MAST4: variants seen among roughly 807,000 people sequenced by gnomAD.
The protein encoded by MAST4 is microtubule associated serine/threonine kinase family member 4, also known as microtubule-associated serine/threonine-protein kinase 4.
A neutral mutation model predicts 162.7 loss-of-function variants in MAST4; 89 were observed. The ratio of observed to expected loss-of-function variants is 0.55; its 90% CI spans 0.46 to 0.65. The LOEUF is 0.65. MAST4 is among the 30% of genes least tolerant of loss of function. MAST4 has a pLI of 0.00. For missense variants in MAST4, 3,153 were observed against 3,374.0 expected (o/e 0.93, Z 1.62); for synonymous variants, 1,479 against 1,361.1 (o/e 1.09, Z -1.91).
At chr5:66,775,011 G>A (rs949105909) in intron 2 of MAST4, among the ~76,000 whole-genome samples, 2 of 146,086 alleles carry the variant, frequency 1.4e-5, no homozygotes, top group Non-Finnish European at 3.0e-5. Flanking sequence ...GTGTGTGTGT[G>A]TGTGTGTGTG....
chr5:66,698,982 T>G (rs989483362), intron 1 of MAST4, among the ~76,000 whole-genome samples: 2 of 152,212 alleles, frequency 1.3e-5, no homozygotes, highest in Non-Finnish European at 2.9e-5. Context: ...TTTGTCAGCT[T>G]TTATCTTGTT....
chr5:66,879,713 A>G (rs965531140), intron 3 of MAST4, among the ~76,000 whole-genome samples: 2 of 152,212 alleles, frequency 1.3e-5, no homozygotes, highest in Non-Finnish European at 2.9e-5. Flanking sequence ...GGATTTCGCG[A>G]TGACGCCCAG....
rs1161777154 is a variant in MAST4 at position 66,674,443 on chromosome 5, A to G, written c.363+77425A>G. ...TCTGGATCCATTACGAAGGAAAAAT[A>G]CTACATTTCTTGTTTGTTTTTGTAT... is the stretch of plus-strand genomic sequence containing the variant. On this transcript the variant is annotated intron_variant, in intron 1 of 28. Transcript: ENST00000403625. Among the ~76,000 whole-genome samples the G allele has an allele frequency of 2.0e-5, 3 of 152,242 alleles. No individual in the cohort carries two copies. The East Asian group carries it at 5.8e-4, about 29-fold the overall frequency.
chr5:66,916,707 C>T (rs1048867626), intron 4 of MAST4, among the ~76,000 whole-genome samples: 1 of 152,132 alleles, frequency 6.6e-6, no homozygotes, highest in African/African-American at 2.4e-5. Context: ...TTGCTACTAC[C>T]TGTCTTAAAC....
At chr5:66,780,436 T>C (rs1371872204) in intron 2 of MAST4, among the ~76,000 whole-genome samples, 1 of 152,148 alleles carries the variant, frequency 6.6e-6, no homozygotes, top group African/African-American at 2.4e-5. Flanking sequence ...GTTTATTCCT[T>C]CAGATATGTC....
rs774228791 is a variant in MAST4 at position 67,133,588 on chromosome 5, C to T, written c.2168C>T (p.Thr723Ile). The change falls in exon 17 of 29, where the codon ACT (threonine) becomes ATT (isoleucine). Residue 723 changes from threonine to isoleucine, a missense_variant. By Grantham distance (89) the Thr-to-Ile change is moderately conservative (BLOSUM62 -1). Around this residue, in one of 7 missense-constraint regions of MAST4, gnomAD observed 131 missense variants for 253.8 expected, o/e 0.52. Transcript: ENST00000403625. ...GLSKVGLMSMTTNLYEGHIEK... is the reference protein window; with the variant it reads ...GLSKVGLMSMITNLYEGHIEK... ...TCTAAGGTGGGACTAATGAGCATGA[C>T]TACCAACCTTTACGAGGGTCATATT... is the stretch of plus-strand genomic sequence containing the variant. 1 of 1,613,494 alleles carries T rather than the reference C, an allele frequency of 6.2e-7. No homozygotes were observed. The highest frequency in any genetic ancestry group is 1.1e-5 in the South Asian group (1 of 91,066).
chr5:66,946,431 G>A (rs918506325), intron 4 of MAST4, among the ~76,000 whole-genome samples: 23 of 151,834 alleles, frequency 1.5e-4, no homozygotes, highest in African/African-American at 5.1e-4. Flanking sequence ...TTCATTTACC[G>A]CCTCAGGTAA....
chr5:66,866,169 C>T (rs1401179533), intron 3 of MAST4, among the ~76,000 whole-genome samples: 1 of 149,736 alleles, frequency 6.7e-6, no homozygotes, highest in Admixed American at 6.7e-5. Flanking sequence ...AAAATATGAA[C>T]ATTAGGGTGA....
intron 1 of MAST4, among the ~76,000 whole-genome samples, chr5:66,618,033 T>TGGGC (rs1743819040): frequency 1.4e-5 from 2 of 143,672 alleles, no homozygotes; most frequent in Non-Finnish European, 3.1e-5. Flanking sequence ...CTGGGAGGAA[T>TGGGC]GGGGGGGGGG....
chr5:67,131,782 A>G (rs180904737), intron 15 of MAST4, 31 bp from the exon 16 acceptor site: 681 of 1,608,710 alleles, frequency 4.2e-4, no homozygotes, highest in Non-Finnish European at 5.3e-4. Flanking sequence ...CCTTCATCCT[A>G]TAGCTACTAA....
At chr5:66,915,266 CAAA>C (rs70987147) in intron 4 of MAST4, among the ~76,000 whole-genome samples, 4 of 83,594 alleles carry the variant, frequency 4.8e-5, no homozygotes, top group Admixed American at 1.2e-4. Context: ...ACTCTTGTCT[CAAA>C]AAAAAAAAAA....
At chr5:66,602,258 A>G (rs547008840) in intron 1 of MAST4, among the ~76,000 whole-genome samples, 3 of 152,200 alleles carry the variant, frequency 2.0e-5, no homozygotes, top group African/African-American at 7.2e-5. Context: ...ATGAAGGGAG[A>G]TGGTCTGAGG....
intron 4 of MAST4, among the ~76,000 whole-genome samples, chr5:66,984,001 G>A (rs1282533473): frequency 7.9e-5 from 12 of 152,190 alleles, no homozygotes; most frequent in Admixed American, 7.2e-4. Flanking sequence ...AAGTGTTTTT[G>A]AGAAGCTACC....
intron 4 of MAST4, among the ~76,000 whole-genome samples, chr5:66,937,690 T>C (rs1352117821): frequency 6.6e-6 from 1 of 152,172 alleles, no homozygotes; most frequent in Non-Finnish European, 1.5e-5. Context: ...TTTTTCTAGG[T>C]AAGTTAGAAT....
At chr5:66,882,346 C>A (rs902819529) in intron 3 of MAST4, among the ~76,000 whole-genome samples, 3 of 152,150 alleles carry the variant, frequency 2.0e-5, no homozygotes, top group African/African-American at 4.8e-5. Context: ...TCTTTTCTCT[C>A]CTGGGACCCC....
Position 66,931,814 on chromosome 5 carries a change from T to C in MAST4, c.674+31832T>C, listed in dbSNP as rs1742228627. Among the ~76,000 whole-genome samples the C allele has an allele frequency of 2.6e-5, 4 of 152,132 alleles. No individual in the cohort carries two copies. In the South Asian group the frequency reaches 8.3e-4, roughly 32 times the overall value. On this transcript the variant is annotated intron_variant, in intron 4 of 28. Transcript: ENST00000403625. ...CAGTTTCCCCAGCGCAGGACTATAATAGTTTCCTACTGAAATTACAACCAG... is the reference window on the plus strand; with the variant it reads ...CAGTTTCCCCAGCGCAGGACTATAACAGTTTCCTACTGAAATTACAACCAG...
chr5:66,598,039 C>A (rs1000356331), intron 1 of MAST4, among the ~76,000 whole-genome samples: 2 of 152,178 alleles, frequency 1.3e-5, no homozygotes, highest in Non-Finnish European at 2.9e-5. Context: ...TTTTCCTCAT[C>A]TTGGATGGGG....
At chr5:66,740,867 C>T (rs1449407462) in intron 1 of MAST4, among the ~76,000 whole-genome samples, 1 of 152,148 alleles carries the variant, frequency 6.6e-6, no homozygotes, top group Non-Finnish European at 1.5e-5. Flanking sequence ...TCTCTGATAC[C>T]TTGGGCAAGT....
chr5:66,917,065 T>C (rs1434626725), intron 4 of MAST4: 4 of 717,210 alleles, frequency 5.6e-6, no homozygotes, highest in Non-Finnish European at 2.6e-6. Context: ...CCCAAAAGAA[T>C]AGAAAATCAC....
Sources: gnomAD v4.1 joint callset for allele counts (sites outside exome capture counted in the v4.1 genomes callset) on GRCh38, gnomAD v4.1.1 for gene constraint, gnomAD v4.1.1 regional missense constraint, MANE v1.5 for transcripts, NCBI Gene and HGNC (gene_info 2026-07-23, HGNC 2026-07-21) for gene names.